Variants in RABGAP1L observed in about 807,000 individuals in gnomAD.
RABGAP1L encodes the protein RAB GTPase activating protein 1 like.
RABGAP1L carries 63 observed loss-of-function variants against 137.7 expected under a neutral mutation model. That is an observed-to-expected ratio of 0.46 (90% CI 0.37 to 0.56). The LOEUF (loss-of-function observed/expected upper bound fraction) is 0.56, where lower values mean the gene tolerates loss of function less well. RABGAP1L is among the 20% of genes least tolerant of loss of function. The pLI is 0.00. For missense variants in RABGAP1L, 1,095 were observed against 1,244.0 expected (o/e 0.88, Z 1.80); for synonymous variants, 431 against 433.7 (o/e 0.99, Z 0.08).
At chr1:174,485,497 T>C (rs901316089) in intron 13 of RABGAP1L, among the ~76,000 whole-genome samples, 8 of 152,180 alleles carry the variant, frequency 5.3e-5, no homozygotes, top group Non-Finnish European at 1.2e-4. Flanking sequence ...GTTTTTATTA[T>C]GTTGAGGTAT....
At chr1:174,607,275 C>G (rs1436039330) in intron 13 of RABGAP1L, among the ~76,000 whole-genome samples, 3 of 152,168 alleles carry the variant, frequency 2.0e-5, no homozygotes, top group Non-Finnish European at 4.4e-5. Flanking sequence ...GTTATGAATT[C>G]TTTTCATGAA....
At chr1:174,659,598 A>G (rs972741023) in intron 14 of RABGAP1L, among the ~76,000 whole-genome samples, 5 of 152,116 alleles carry the variant, frequency 3.3e-5, no homozygotes, top group Non-Finnish European at 5.9e-5. Flanking sequence ...CATTTATTGC[A>G]TTGGTAGCCT....
chr1:174,742,941 T>G (rs1344399807), intron 17 of RABGAP1L, among the ~76,000 whole-genome samples: 8 of 152,190 alleles, frequency 5.3e-5, no homozygotes, highest in Admixed American at 1.3e-4. Context: ...GGGAGTCCTC[T>G]GAGTGTAGGG....
chr1:174,327,990 T>TATATATACAC (rs1680648854), intron 11 of RABGAP1L, among the ~76,000 whole-genome samples: 1 of 36,372 alleles, frequency 2.7e-5, no homozygotes, highest in African/African-American at 1.0e-4. Context: ...CACACACATA[T>TATATATACAC]ATATATATAT....
chr1:174,816,271 G>C (rs1278964352), intron 19 of RABGAP1L, among the ~76,000 whole-genome samples: 1 of 146,658 alleles, frequency 6.8e-6, no homozygotes, highest in Admixed American at 7.1e-5. Context: ...TCCTGCTTCA[G>C]CCTCCCGAGT....
At chr1:174,635,269 A>T (rs1373389389) in intron 13 of RABGAP1L, among the ~76,000 whole-genome samples, 1 of 152,168 alleles carries the variant, frequency 6.6e-6, no homozygotes, top group Admixed American at 6.5e-5. Context: ...AAAAAGAGTT[A>T]TCCTGCGGGC....
chr1:174,985,807 A>G lies in RABGAP1L; in HGVS notation c.2806-2834A>G, dbSNP rs939141619. Among the ~76,000 whole-genome samples, 6 of 152,386 alleles carry G rather than the reference A, an allele frequency of 3.9e-5. No homozygotes were observed. The East Asian group carries it at 7.7e-4, about 20-fold the overall frequency. ...ACATAAAAGGTGTTGATTATTTTACATAAAAGCAGCCTAGGACTAGAAAGG... is the reference window on the plus strand; with the variant it reads ...ACATAAAAGGTGTTGATTATTTTACGTAAAAGCAGCCTAGGACTAGAAAGG... On this transcript the variant is annotated intron_variant, in intron 24 of 25. Transcript: ENST00000681986.
At chr1:174,494,136 A>T (rs1329715637) in intron 13 of RABGAP1L, among the ~76,000 whole-genome samples, 2 of 152,054 alleles carry the variant, frequency 1.3e-5, no homozygotes, top group African/African-American at 4.8e-5. Flanking sequence ...TGAAAATAAT[A>T]CTCTGTTGGT....
intron 11 of RABGAP1L, among the ~76,000 whole-genome samples, chr1:174,355,742 T>C (rs1029002353): frequency 1.3e-5 from 2 of 152,224 alleles, no homozygotes; most frequent in African/African-American, 4.8e-5. Context: ...GATACGTTTT[T>C]ATTAATCACT....
chr1:174,584,567 T>G (rs1668976593), intron 13 of RABGAP1L, among the ~76,000 whole-genome samples: 1 of 152,140 alleles, frequency 6.6e-6, no homozygotes, highest in Admixed American at 6.6e-5. Context: ...ATCTCAACAG[T>G]GACATTTAAA....
intron 14 of RABGAP1L, among the ~76,000 whole-genome samples, chr1:174,679,063 G>A (rs925651696): frequency 6.6e-6 from 1 of 152,202 alleles, no homozygotes; most frequent in African/African-American, 2.4e-5. Flanking sequence ...GGGACCCAAA[G>A]GGGCTTTCCA....
chr1:174,864,218 C>T (rs543738420), intron 19 of RABGAP1L, among the ~76,000 whole-genome samples: 1 of 152,254 alleles, frequency 6.6e-6, no homozygotes, highest in South Asian at 2.1e-4. Context: ...ATGAGTGGTG[C>T]TGTCATTTTG....
intron 14 of RABGAP1L, among the ~76,000 whole-genome samples, chr1:174,656,211 C>T (rs1420298939): frequency 6.6e-6 from 1 of 152,144 alleles, no homozygotes; most frequent in African/African-American, 2.4e-5. Context: ...AATCCCAGCA[C>T]TTTGGGAGGC....
intron 12 of RABGAP1L, among the ~76,000 whole-genome samples, chr1:174,374,783 C>G (rs1293875602): frequency 6.6e-6 from 1 of 152,192 alleles, no homozygotes. Flanking sequence ...TATAAACCTG[C>G]TCATGTATGC....
intron 17 of RABGAP1L, among the ~76,000 whole-genome samples, chr1:174,749,939 G>A (rs1282692974): frequency 6.6e-6 from 1 of 151,812 alleles, no homozygotes; most frequent in Non-Finnish European, 1.5e-5. Context: ...GTGCGATCTC[G>A]GCTCATTGCA....
chr1:174,486,496 G>A (rs1205364469), intron 13 of RABGAP1L, among the ~76,000 whole-genome samples: 3 of 151,402 alleles, frequency 2.0e-5, no homozygotes, highest in Admixed American at 6.6e-5. Context: ...ACATGCACCC[G>A]CCACCACACC....
chr1:174,907,092 T>G (rs1196282312), intron 19 of RABGAP1L, among the ~76,000 whole-genome samples: 1 of 152,060 alleles, frequency 6.6e-6, no homozygotes, highest in African/African-American at 2.4e-5. Context: ...AAAAAAGTTT[T>G]CAAGATATAA....
intron 11 of RABGAP1L, among the ~76,000 whole-genome samples, chr1:174,319,585 A>G (rs1198906347): frequency 6.6e-6 from 1 of 152,122 alleles, no homozygotes; most frequent in African/African-American, 2.4e-5. Flanking sequence ...TACAATGCTC[A>G]ATAGGAATGG....
Position 174,188,029 on chromosome 1 carries a change from T to G in RABGAP1L, c.-34+28372T>G, listed in dbSNP as rs190681305. On this transcript the variant is annotated intron_variant, in intron 1 of 25. Coordinates refer to ENST00000681986, the MANE Select transcript of RABGAP1L (RefSeq NM_001366446.1). ...AAGGCATCATTTGTAAAGGTTTTCTTCTTTAATCCCACTTTTGTTTTTGCA... is the reference window on the plus strand; with the variant it reads ...AAGGCATCATTTGTAAAGGTTTTCTGCTTTAATCCCACTTTTGTTTTTGCA... 8.9e-4 allele frequency among the ~76,000 whole-genome samples: 136 copies of G among 152,332 alleles called. 1 individual carries two copies. The highest frequency in any genetic ancestry group is 2.9e-3 in the Admixed American group (44 of 15,310).
Sources: allele counts gnomAD v4.1 joint callset (sites outside exome capture counted in the v4.1 genomes callset), GRCh38; gene constraint gnomAD v4.1.1; transcripts MANE v1.5; gene names NCBI Gene and HGNC (gene_info 2026-07-23, HGNC 2026-07-21).